SCLT1: variants seen among roughly 807,000 people sequenced by gnomAD.
The protein encoded by SCLT1 is sodium channel and clathrin linker 1, also known as sodium channel-associated protein 1.
In SCLT1, 78 loss-of-function variants were observed where a neutral mutation model predicts 112.8. The observed-to-expected ratio is 0.69, with a 90% CI of 0.58 to 0.83. The LOEUF is 0.83. SCLT1 is among the 40% of genes least tolerant of loss of function. The pLI is 0.00. For missense variants in SCLT1, 747 were observed against 770.4 expected (o/e 0.97, Z 0.36); for synonymous variants, 257 against 254.7 (o/e 1.01, Z -0.09).
intron 5 of SCLT1, among the ~76,000 whole-genome samples, chr4:129,017,614 T>C (rs561822615): frequency 6.6e-6 from 1 of 152,284 alleles, no homozygotes; most frequent in East Asian, 1.9e-4. Flanking sequence ...TAAAAAAATA[T>C]TATATGCAAG....
chr4:129,039,897 C>T lies in SCLT1; in HGVS notation c.235-801G>A, dbSNP rs548382361. The T allele has an allele frequency of 2.7e-3, 561 of 209,008 alleles. 9 individuals carry two copies. Among genetic ancestry groups the T allele is most frequent in the Admixed American group, 0.022 (258 of 11,490 alleles). The allele number at this position is 209,008 out of a possible 1,614,324, so 12.9% of individuals were successfully genotyped here. On this transcript the variant is annotated intron_variant, in intron 4 of 20. Transcript: ENST00000281142. ...AATGAGCAAATGGAGAGTGTGCGCGCGCGCACACACACACACACACACACA... is the reference window on the plus strand; with the variant it reads ...AATGAGCAAATGGAGAGTGTGCGCGTGCGCACACACACACACACACACACA...
chr4:129,072,062 C>T (rs1263839298), intron 2 of SCLT1, among the ~76,000 whole-genome samples: 3 of 152,070 alleles, frequency 2.0e-5, no homozygotes, highest in South Asian at 2.1e-4. Context: ...CTGTATCTTT[C>T]CTTGATATGA....
At chr4:128,898,447 C>G (rs1419808221) in intron 18 of SCLT1, among the ~76,000 whole-genome samples, 1 of 152,064 alleles carries the variant, frequency 6.6e-6, no homozygotes, top group Non-Finnish European at 1.5e-5. Context: ...AAAATGAAGG[C>G]AGAAATAAAG....
chr4:128,876,788 T>C (rs1227136784), intron 3 of SCLT1, among the ~76,000 whole-genome samples: 3 of 152,208 alleles, frequency 2.0e-5, no homozygotes, highest in African/African-American at 7.2e-5. Context: ...CCCTCTTGGA[T>C]GTATACAGGT....
intron 1 of SCLT1, among the ~76,000 whole-genome samples, chr4:129,090,158 AAC>A (rs1354617842): frequency 6.6e-6 from 1 of 152,238 alleles, no homozygotes; most frequent in Non-Finnish European, 1.5e-5. Flanking sequence ...AAATATTAAA[AAC>A]TACAAAGTAT....
At chr4:128,883,660 T>C (rs191416799), downstream of SCLT1, among the ~76,000 whole-genome samples, 240 of 152,324 alleles carry the variant, frequency 1.6e-3, 2 homozygotes, top group Middle Eastern at 0.031. Flanking sequence ...TCATGTCACC[T>C]TCAACTCAAA....
chr4:129,086,071 T>C (rs893612161), intron 1 of SCLT1, among the ~76,000 whole-genome samples: 2 of 152,144 alleles, frequency 1.3e-5, no homozygotes, highest in Non-Finnish European at 1.5e-5. Flanking sequence ...CCTCTTTTTT[T>C]TTCCCTGACA....
intron 5 of SCLT1, among the ~76,000 whole-genome samples, chr4:129,011,035 A>G (rs1338825784): frequency 6.6e-6 from 1 of 152,154 alleles, no homozygotes; most frequent in African/African-American, 2.4e-5. Flanking sequence ...TGCACATTCC[A>G]TATGATGCTG....
At chr4:128,962,152 A>G (rs1184283963) in intron 11 of SCLT1, among the ~76,000 whole-genome samples, 1 of 152,188 alleles carries the variant, frequency 6.6e-6, no homozygotes, top group Admixed American at 6.5e-5. Flanking sequence ...ATACCCAACT[A>G]TATAAGTTGA....
chr4:128,952,110 G>C (rs1458195709), intron 14 of SCLT1, among the ~76,000 whole-genome samples: 1 of 152,148 alleles, frequency 6.6e-6, no homozygotes, highest in East Asian at 1.9e-4. Flanking sequence ...GAGACAGAGT[G>C]TGTATGCTCA....
intron 2 of SCLT1, among the ~76,000 whole-genome samples, chr4:129,062,726 G>C (rs1750101763): frequency 6.6e-6 from 1 of 152,046 alleles, no homozygotes. Flanking sequence ...ACTGTCTCCT[G>C]ATCTGTAAGG....
At chr4:128,874,800 T>TATG (rs1402899444) in intron 4 of SCLT1, 1 of 152,630 alleles carries the variant, frequency 6.6e-6, no homozygotes, top group Admixed American at 6.5e-5. Context: ...ATTAATGTAT[T>TATG]ATGTCAAAAT....
intron 9 of SCLT1, chr4:128,970,900 C>A (rs1225828278): frequency 3.9e-5 from 6 of 153,864 alleles, no homozygotes; most frequent in Non-Finnish European, 8.7e-5. Flanking sequence ...AACTTCAATA[C>A]CTTGATCATT....
intron 5 of SCLT1, among the ~76,000 whole-genome samples, chr4:129,034,915 C>T (rs77218617): frequency 0.015 from 2,280 of 152,158 alleles, 26 homozygotes; most frequent in Non-Finnish European, 0.022. Context: ...AGTTTGTGAA[C>T]CCCTGACAGA....
At chr4:129,080,883 A>T (rs888247780) in intron 2 of SCLT1, among the ~76,000 whole-genome samples, 1 of 152,184 alleles carries the variant, frequency 6.6e-6, no homozygotes, top group South Asian at 2.1e-4. Flanking sequence ...TGTGGGAGAG[A>T]GAGTTTCTGG....
intron 18 of SCLT1, among the ~76,000 whole-genome samples, chr4:128,929,523 CAAGGT>C (rs1402716538): frequency 5.3e-5 from 8 of 152,038 alleles, no homozygotes; most frequent in Non-Finnish European, 1.2e-4. Context: ...CAAAAAAGAA[CAAGGT>C]AAGAGAAATG....
chr4:128,978,025 A>C (rs1741329770), intron 9 of SCLT1, among the ~76,000 whole-genome samples: 1 of 152,170 alleles, frequency 6.6e-6, no homozygotes, highest in Non-Finnish European at 1.5e-5. Flanking sequence ...ACACGAGCAG[A>C]TGTAGAGATG....
chr4:129,075,720 C>T (rs1372088707), intron 2 of SCLT1, among the ~76,000 whole-genome samples: 5 of 152,110 alleles, frequency 3.3e-5, no homozygotes, highest in African/African-American at 9.7e-5. Flanking sequence ...AGAGAAAGAT[C>T]TACTGGACAG....
intron 18 of SCLT1, among the ~76,000 whole-genome samples, chr4:128,911,406 C>A (rs1175522283): frequency 6.6e-6 from 1 of 152,106 alleles, no homozygotes; most frequent in Non-Finnish European, 1.5e-5. Context: ...GCTCAAAATT[C>A]TTTGTGATAC....
Sources: gnomAD v4.1 joint callset for allele counts (sites outside exome capture counted in the v4.1 genomes callset) on GRCh38, gnomAD v4.1.1 for gene constraint, MANE v1.5 for transcripts, NCBI Gene and HGNC (gene_info 2026-07-23, HGNC 2026-07-21) for gene names.